The following SHROOM3 variants were observed in gnomAD, a reference collection of about 807,000 sequenced individuals.
The protein encoded by SHROOM3 is shroom family member 3.
A neutral mutation model predicts 138.6 loss-of-function variants in SHROOM3; 47 were observed. The observed-to-expected ratio is 0.34, with a 90% CI of 0.27 to 0.43. The LOEUF is 0.43. Ranked by LOEUF, SHROOM3 falls within the 20% of genes least tolerant of loss-of-function variation. The pLI is 1.00. For synonymous variants in SHROOM3, 1,062 were observed against 1,063.3 expected (o/e 1.00, Z 0.02); for missense variants, 2,491 against 2,596.5 (o/e 0.96, Z 0.88).
chr4:76,635,425 C>A (rs1226786323), intron 2 of SHROOM3, among the ~76,000 whole-genome samples: 1 of 152,088 alleles, frequency 6.6e-6, no homozygotes, highest in African/African-American at 2.4e-5. Context: ...AAACCAGAAC[C>A]AAAAAACAGT....
At chr4:76,686,904 C>T (rs1487043714) in intron 2 of SHROOM3, among the ~76,000 whole-genome samples, 1 of 152,190 alleles carries the variant, frequency 6.6e-6, no homozygotes, top group Non-Finnish European at 1.5e-5. Flanking sequence ...CTCAGGACCA[C>T]CTGCGGGACC....
chr4:76,754,548 C>T lies in SHROOM3; in HGVS notation c.4065C>T (p.Gly1355=). ...DTRAAPLTPI[G]TPLPSAIPSG... ...GGGCTGCACCCCTGACCCCAATTGGCACCCCTCTGCCTTCAGCCATTCCCT... is the reference window on the plus strand; with the variant it reads ...GGGCTGCACCCCTGACCCCAATTGGTACCCCTCTGCCTTCAGCCATTCCCT... The change falls in exon 7 of 11, where the codon GGC becomes GGT. Residue 1355 remains glycine, a synonymous_variant. Transcript: ENST00000296043. 3 of 1,613,566 alleles carry T rather than the reference C, an allele frequency of 1.9e-6. No individual in the cohort carries two copies. The highest frequency in any genetic ancestry group is 2.5e-6 in the Non-Finnish European group (3 of 1,179,584).
chr4:76,459,229 T>A (rs1472661388), intron 1 of SHROOM3, among the ~76,000 whole-genome samples: 1 of 152,174 alleles, frequency 6.6e-6, no homozygotes. Context: ...GGTAACATAA[T>A]CTCTGATGTG....
Position 76,741,876 on chromosome 4 carries a change from C to T in SHROOM3, c.3703C>T (p.Pro1235Ser). 1 of 1,612,124 alleles carries T rather than the reference C, an allele frequency of 6.2e-7. No homozygotes were observed. The highest frequency in any genetic ancestry group is 8.5e-7 in the Non-Finnish European group (1 of 1,179,892). Residue 1235 changes from proline (P) to serine (S), a missense_variant, in exon 5 of 11, where the codon CCT becomes TCT. Around this residue, in one of 4 missense-constraint regions of SHROOM3, gnomAD observed 1,733 missense variants for 1,661.6 expected, o/e 1.04. Transcript: ENST00000296043. The surrounding 1 kb of genome is among the most constrained non-coding windows in gnomAD (Gnocchi z 6.2). ...LLERSDVLAGPVHVRSRSSPA... is the reference protein window; with the variant it reads ...LLERSDVLAGSVHVRSRSSPA... ...GGAACGCTCGGACGTCCTTGCGGGC[C>T]CTGTCCATGTGAGGTCCAGGTCATC...
chr4:76,646,848 G>C (rs866053816), intron 2 of SHROOM3, among the ~76,000 whole-genome samples: 12 of 152,236 alleles, frequency 7.9e-5, no homozygotes, highest in African/African-American at 2.4e-4. Flanking sequence ...AGCCACTGTG[G>C]AAAATAGTAT....
intron 2 of SHROOM3, among the ~76,000 whole-genome samples, chr4:76,611,930 T>A (rs1734771828): frequency 6.6e-6 from 1 of 152,186 alleles, no homozygotes; most frequent in Non-Finnish European, 1.5e-5. Context: ...CTGAATCAGT[T>A]CCATGTTGAA....
intron 1 of SHROOM3, among the ~76,000 whole-genome samples, chr4:76,489,936 A>G (rs1322579801): frequency 6.6e-6 from 1 of 152,200 alleles, no homozygotes; most frequent in Non-Finnish European, 1.5e-5. Context: ...GATTTATTGA[A>G]AACGAAAGTA....
intron 1 of SHROOM3, among the ~76,000 whole-genome samples, chr4:76,478,942 A>G (rs930172954): frequency 6.6e-6 from 1 of 152,162 alleles, no homozygotes; most frequent in African/African-American, 2.4e-5. Context: ...CAACATCAAC[A>G]AAAAGGATGT....
chr4:76,554,749 C>G lies in SHROOM3; in HGVS notation c.169-860C>G, dbSNP rs537380552. On this transcript the variant is annotated intron_variant, in intron 1 of 10. Coordinates refer to ENST00000296043, the MANE Select transcript of SHROOM3 (RefSeq NM_020859.4). ...GAACTCAACTTCTAATGTAACCCGT[C>G]CCCAACCCCCAGGCCACGGACCATT... Among the ~76,000 whole-genome samples, 15 of 152,192 alleles carry G rather than the reference C, an allele frequency of 9.9e-5. No homozygotes were observed. The South Asian group carries it at 2.9e-3, about 30-fold the overall frequency.
At chr4:76,706,323 C>T (rs1368639716) in intron 2 of SHROOM3, among the ~76,000 whole-genome samples, 1 of 152,100 alleles carries the variant, frequency 6.6e-6, no homozygotes, top group East Asian at 1.9e-4. Flanking sequence ...CCATGTTGAC[C>T]AGGCTGGTCT....
chr4:76,731,307 C>T (rs1283476242), intron 4 of SHROOM3, among the ~76,000 whole-genome samples: 2 of 152,116 alleles, frequency 1.3e-5, no homozygotes, highest in Admixed American at 1.3e-4. Flanking sequence ...CATTTTTATT[C>T]CTGTGTTTGA....
At chr4:76,565,160 C>CAAAAA (rs1166896258) in intron 2 of SHROOM3, among the ~76,000 whole-genome samples, 3 of 135,922 alleles carry the variant, frequency 2.2e-5, no homozygotes, top group African/African-American at 5.6e-5. Context: ...GACTCCATTT[C>CAAAAA]AAAAAAAAAA....
At chr4:76,606,269 C>A (rs890827747) in intron 2 of SHROOM3, among the ~76,000 whole-genome samples, 12 of 150,696 alleles carry the variant, frequency 8.0e-5, no homozygotes, top group Non-Finnish European at 1.8e-4. Context: ...GCCTCGGCCT[C>A]CCAAAGTGCT....
intron 4 of SHROOM3, among the ~76,000 whole-genome samples, chr4:76,736,582 T>G (rs1721078036): frequency 6.6e-6 from 1 of 152,164 alleles, no homozygotes. Flanking sequence ...AATCTAGAAA[T>G]AGAAGAATAC....
chr4:76,689,527 C>CGCGGCGCG, intron 2 of SHROOM3: 5 of 983,418 alleles, frequency 5.1e-6, no homozygotes, highest in Non-Finnish European at 6.0e-6. Context: ...CAGCTGTAGC[C>CGCGGCGCG]GCGGCGCGGT....
chr4:76,672,851 T>G (rs1718928083), intron 2 of SHROOM3, among the ~76,000 whole-genome samples: 1 of 152,110 alleles, frequency 6.6e-6, no homozygotes, highest in Non-Finnish European at 1.5e-5. Context: ...GATTACAGGG[T>G]ATGGTGGCTC....
intron 2 of SHROOM3, among the ~76,000 whole-genome samples, chr4:76,590,200 G>T (rs543899643): frequency 1.3e-5 from 2 of 152,078 alleles, no homozygotes; most frequent in Non-Finnish European, 2.9e-5. Context: ...AAACCCCAGC[G>T]GGTTGCTGGT....
At position 76,740,568 on chromosome 4, in the gene SHROOM3, A is replaced by C; in HGVS notation, c.2395A>C (p.Ser799Arg). The change falls in exon 5 of 11, where the codon AGT becomes CGT. Residue 799 changes from serine (S) to arginine (R), a missense_variant. By Grantham distance (110) the Ser-to-Arg change is moderately radical. Around this residue, in one of 4 missense-constraint regions of SHROOM3, gnomAD observed 1,733 missense variants for 1,661.6 expected, o/e 1.04. Coordinates refer to ENST00000296043, the MANE Select transcript of SHROOM3 (RefSeq NM_020859.4). The surrounding 1 kb of genome is among the most constrained non-coding windows in gnomAD (Gnocchi z 4.0). ...EQREQGSQRP[S>R]VGGSGFGHNY... ...GCGAGAGCAAGGGAGCCAGAGACCG[A>C]GTGTGGGCGGCTCTGGTTTTGGCCA... is the stretch of plus-strand genomic sequence containing the variant. The C allele has an allele frequency of 1.9e-6, 3 of 1,614,126 alleles. No homozygotes were observed. The highest frequency in any genetic ancestry group is 2.5e-6 in the Non-Finnish European group (3 of 1,180,020).
At chr4:76,527,258 A>C (rs1291022124) in intron 1 of SHROOM3, among the ~76,000 whole-genome samples, 1 of 152,132 alleles carries the variant, frequency 6.6e-6, no homozygotes, top group Non-Finnish European at 1.5e-5. Context: ...TTATTTATTT[A>C]TTGGTTCTTC....
Sources: allele counts gnomAD v4.1 joint callset (sites outside exome capture counted in the v4.1 genomes callset), GRCh38; gene constraint gnomAD v4.1.1; regional missense constraint gnomAD v4.1.1; non-coding constraint Gnocchi (gnomAD v3.1); transcripts MANE v1.5; gene names NCBI Gene and HGNC (gene_info 2026-07-23, HGNC 2026-07-21).